Variants in DNAH7 observed in about 807,000 individuals in gnomAD.
DNAH7 encodes the protein dynein axonemal heavy chain 7, also known as axonemal beta dynein heavy chain 7.
In DNAH7, 397 loss-of-function variants were observed where a neutral mutation model predicts 444.6. The ratio of observed to expected loss-of-function variants is 0.89; its 90% CI spans 0.82 to 0.97. The LOEUF is 0.97. Ranked by LOEUF, DNAH7 falls within the 50% of genes least tolerant of loss-of-function variation. The probability of loss-of-function intolerance (pLI) is 0.00; values close to 1 mark genes in which losing one functional copy is unlikely to be tolerated. For synonymous variants in DNAH7, 1,636 were observed against 1,624.4 expected (o/e 1.01, Z -0.17); for missense variants, 4,902 against 4,800.8 (o/e 1.02, Z -0.62).
chr2:195,886,394 T>C lies in DNAH7; in HGVS notation c.5407-122A>G, dbSNP rs116476828. On this transcript the variant is annotated intron_variant, in intron 33 of 64. Coordinates refer to ENST00000312428, the MANE Select transcript of DNAH7 (RefSeq NM_018897.3). ...GGTAGTAATAATTTTAAATTCATACTACCTACGAGTAGGTACTATTATTAC... is the reference window on the plus strand; with the variant it reads ...GGTAGTAATAATTTTAAATTCATACCACCTACGAGTAGGTACTATTATTAC... 356 of 814,466 alleles carry C rather than the reference T, an allele frequency of 4.4e-4. 1 individual carries two copies. In the African/African-American group the frequency reaches 4.9e-3, roughly 11 times the overall value. The allele number at this position is 814,466 out of a possible 1,614,324, so 50.5% of individuals were successfully genotyped here.
At chr2:195,894,900 T>A in intron 30 of DNAH7, 76 bp downstream of exon 30, 1 of 1,292,602 alleles carries the variant, frequency 7.7e-7, no homozygotes, top group African/African-American at 1.5e-5. Context: ...ATTGAATGCA[T>A]CTTTTAAAAT....
chr2:195,922,910 G>T (rs1688111311), intron 23 of DNAH7, among the ~76,000 whole-genome samples: 7 of 151,800 alleles, frequency 4.6e-5, no homozygotes, highest in Admixed American at 4.6e-4. Flanking sequence ...CACCCAGGCT[G>T]GAGTGCAGTG....
chr2:195,771,850 A>C lies in DNAH7; in HGVS notation c.11243T>G (p.Val3748Gly), dbSNP rs762197508. 6.2e-7 allele frequency: 1 copy of C among 1,614,182 alleles called. No homozygotes were observed. The highest frequency in any genetic ancestry group is 1.1e-5 in the South Asian group (1 of 91,086). ...GATGTCACTAGCGACCTCATTCACT[A>C]CTTCATCTGATGATTTTGCACCAGC... ...AGAGAKSSDE[V>G]VNEVASDILG... Residue 3748 changes from valine to glycine, a missense_variant, in exon 61 of 65, where the codon GTA (valine) becomes GGA (glycine). Coordinates refer to ENST00000312428, the MANE Select transcript of DNAH7 (RefSeq NM_018897.3).
intron 54 of DNAH7, among the ~76,000 whole-genome samples, chr2:195,804,945 A>C (rs1017876911): frequency 1.3e-5 from 2 of 152,200 alleles, no homozygotes. Flanking sequence ...TAGCTGAAAG[A>C]AGTATAAAAC....
intron 12 of DNAH7, 151 bp downstream of exon 12, chr2:196,000,553 T>G (rs554518564): frequency 3.1e-6 from 2 of 647,216 alleles, no homozygotes; most frequent in South Asian, 8.6e-5. Flanking sequence ...AGAGGCCATT[T>G]GGAAAATGGT....
At chr2:195,906,582 C>T (rs1687038025) in intron 27 of DNAH7, 77 bp downstream of exon 27, 3 of 1,435,872 alleles carry the variant, frequency 2.1e-6, no homozygotes, top group African/African-American at 1.4e-5. Context: ...GCGTTAGCCA[C>T]CACGCCCAGC....
intron 54 of DNAH7, among the ~76,000 whole-genome samples, chr2:195,801,849 G>A (rs953863887): frequency 2.0e-5 from 3 of 152,194 alleles, no homozygotes; most frequent in Admixed American, 1.3e-4. Context: ...GGGGAGCTGA[G>A]AGCCAATGGA....
chr2:195,936,889 C>A, intron 19 of DNAH7, 97 bp from the exon 20 acceptor site: 1 of 1,036,686 alleles, frequency 9.6e-7, no homozygotes, highest in Non-Finnish European at 1.3e-6. Flanking sequence ...TGTAATCAAA[C>A]AAAGGTTATG....
intron 15 of DNAH7, among the ~76,000 whole-genome samples, chr2:195,980,047 T>A: frequency 9.9e-6 from 1 of 101,160 alleles, no homozygotes; most frequent in South Asian, 4.0e-4. Context: ...CAAACCTTCC[T>A]ACTCAAACTA....
intron 12 of DNAH7, among the ~76,000 whole-genome samples, chr2:195,993,929 G>T (rs988991147): frequency 1.3e-5 from 2 of 152,094 alleles, no homozygotes; most frequent in Non-Finnish European, 2.9e-5. Flanking sequence ...AAGCCAATCC[G>T]GGAAGAAGGA....
At chr2:195,977,575 T>C (rs1692291088) in intron 15 of DNAH7, among the ~76,000 whole-genome samples, 1 of 151,912 alleles carries the variant, frequency 6.6e-6, no homozygotes, top group African/African-American at 2.4e-5. Context: ...AGGTAGAACC[T>C]TATTCAAAAG....
chr2:195,864,185 A>C lies in DNAH7; in HGVS notation c.7470T>G (p.Pro2490=), dbSNP rs1700183099. 8 of 1,614,156 alleles carry C rather than the reference A, an allele frequency of 5.0e-6. No homozygotes were observed. In the African/African-American group the frequency reaches 5.3e-5, roughly 11 times the overall value. The change falls in exon 41 of 65, where the codon CCT becomes CCG. Residue 2490 remains proline, a synonymous_variant. Transcript: ENST00000312428. ...CAATGGTACAGCAGTTAACAAGAGCAGGGAACTTTCTAAGACGATTCCGAA... is the reference window on the plus strand; with the variant it reads ...CAATGGTACAGCAGTTAACAAGAGCCGGGAACTTTCTAAGACGATTCCGAA... The part of the protein sequence containing the change: ...DAFRNRLRKF[P]ALVNCCTIDW...
chr2:195,906,423 A>ACACACACACACACACACACTT lies in DNAH7; in HGVS notation c.4335+235_4335+236insAAGTGTGTGTGTGTGTGTGTG, dbSNP rs764416021. 1.0e-3 allele frequency among the ~76,000 whole-genome samples: 150 copies of ACACACACACACACACACACTT among 147,566 alleles called. 1 individual carries two copies. The highest frequency in any genetic ancestry group is 3.2e-3 in the African/African-American group (127 of 39,462). ...CATACACACAGAAACACACACACAC[A>ACACACACACACACACACACTT]CACACACTTTTAAAATATTTTCTTT... On this transcript the variant is annotated intron_variant, in intron 27 of 64. Coordinates refer to ENST00000312428, the MANE Select transcript of DNAH7 (RefSeq NM_018897.3).
chr2:195,758,307 TAA>T (rs757673719), intron 61 of DNAH7, among the ~76,000 whole-genome samples: 2 of 152,210 alleles, frequency 1.3e-5, no homozygotes, highest in Non-Finnish European at 2.9e-5. Flanking sequence ...TTCTAACATG[TAA>T]AGTTTTTCAC....
chr2:195,838,587 T>C (rs896720369), intron 47 of DNAH7, among the ~76,000 whole-genome samples: 3 of 151,868 alleles, frequency 2.0e-5, no homozygotes, highest in Non-Finnish European at 4.4e-5. Context: ...GAAGAGTCAG[T>C]GAAGCTGAAG....
rs569080260 is a variant in DNAH7 at position 195,963,698 on chromosome 2, T to C, written c.2206-2753A>G. On this transcript the variant is annotated intron_variant, in intron 17 of 64. Coordinates refer to ENST00000312428, the MANE Select transcript of DNAH7 (RefSeq NM_018897.3). ...GAAATTTTTGCCCAGTCCAAATTCC[T>C]GGAGAGTTTCTCCAATGTTTCTTGT... Among the ~76,000 whole-genome samples the C allele has an allele frequency of 2.6e-5, 4 of 152,356 alleles. No individual in the cohort carries two copies. In the East Asian group the frequency reaches 7.7e-4, roughly 29 times the overall value.
intron 15 of DNAH7, among the ~76,000 whole-genome samples, chr2:195,973,464 G>GTTTTGT (rs537772307): frequency 2.0e-5 from 3 of 151,734 alleles, no homozygotes; most frequent in Non-Finnish European, 4.4e-5. Flanking sequence ...TTTGTTTGTT[G>GTTTTGT]TTTTGTTTTT....
intron 5 of DNAH7, among the ~76,000 whole-genome samples, chr2:196,045,052 A>G (rs1267911703): frequency 6.6e-6 from 1 of 151,736 alleles, no homozygotes; most frequent in Non-Finnish European, 1.5e-5. Context: ...GGGCAAGAGG[A>G]TGAGATTCTG....
In DNAH7 at chr2:195,970,081, C is replaced by T. The variant is rs368206641; in HGVS notation, c.2072G>A (p.Arg691Gln). Residue 691 changes from arginine (R) to glutamine (Q), a missense_variant, in exon 17 of 65, where the codon CGG becomes CAG. Arg to Gln is a conservative substitution (Grantham distance 43). Coordinates refer to ENST00000312428, the MANE Select transcript of DNAH7 (RefSeq NM_018897.3). ...YQEGLKLRCE[R>Q]FVEELESYAK... The stretch of plus-strand genomic sequence containing the variant: ...ATAACTCTCCAATTCCTCCACAAAC[C>T]GTTCACACCGTAACTAATAAAAACA... The T allele has an allele frequency of 8.1e-6, 13 of 1,607,090 alleles. No individual in the cohort carries two copies. Among genetic ancestry groups the T allele is most frequent in the Middle Eastern group, 1.7e-4 (1 of 6,044 alleles).
Sources: allele counts gnomAD v4.1 joint callset (sites outside exome capture counted in the v4.1 genomes callset), GRCh38; gene constraint gnomAD v4.1.1; transcripts MANE v1.5; gene names NCBI Gene and HGNC (gene_info 2026-07-23, HGNC 2026-07-21).